Variants in BCKDHB observed in about 807,000 individuals in gnomAD.
BCKDHB encodes 2-oxoisovalerate dehydrogenase subunit beta, mitochondrial.
A neutral mutation model predicts 48.5 loss-of-function variants in BCKDHB; 41 were observed. That is an observed-to-expected ratio of 0.85 (90% confidence interval 0.66 to 1.10). The LOEUF is 1.10. BCKDHB is among the 50% of genes least tolerant of loss of function. The pLI is 0.00. For synonymous variants in BCKDHB, 201 were observed against 174.8 expected, an observed-to-expected ratio of 1.15 and a Z score of -1.18; for missense variants, 496 against 494.2, an observed-to-expected ratio of 1.00 and a Z score of -0.03.
the BCKDHB span, among the ~76,000 whole-genome samples, chr6:80,406,571 C>T: frequency 6.6e-6 from 1 of 152,206 alleles, no homozygotes; most frequent in Non-Finnish European, 1.5e-5. Flanking sequence ...GATGGTATCT[C>T]ACTGTGGTTT....
the BCKDHB span, among the ~76,000 whole-genome samples, chr6:80,367,471 G>A: frequency 0.96 from 145,840 of 152,236 alleles, 70,181 homozygotes; most frequent in East Asian, 1. Flanking sequence ...AAACTCTACT[G>A]TTTTTTTATT....
intron 3 of BCKDHB, among the ~76,000 whole-genome samples, chr6:80,152,276 C>T (rs1049494846): frequency 2.4e-4 from 36 of 151,930 alleles, no homozygotes; most frequent in Non-Finnish European, 4.6e-4. Context: ...TTTTAGATTG[C>T]TCCATTTAAG....
Position 80,165,637 on chromosome 6 carries a change from A to C in BCKDHB, c.344-2041A>C, listed in dbSNP as rs192644912. Among the ~76,000 whole-genome samples the C allele has an allele frequency of 2.0e-5, 3 of 152,320 alleles. No homozygotes were observed. In the South Asian group the frequency reaches 6.2e-4, roughly 32 times the overall value. Reference sequence around the variant, plus strand: ...TCCTGAAATTATAATTTCTAATGAAATTCTGGCATGAGCTGAGAGGTGGTG... The same window carrying C: ...TCCTGAAATTATAATTTCTAATGAACTTCTGGCATGAGCTGAGAGGTGGTG... On this transcript the variant is annotated intron_variant, in intron 3 of 9. Transcript: ENST00000320393.
the BCKDHB span, among the ~76,000 whole-genome samples, chr6:80,392,362 A>AT: frequency 8.4e-3 from 1,222 of 146,068 alleles, 14 homozygotes; most frequent in African/African-American, 0.029. Flanking sequence ...TTAGGGCTGT[A>AT]TTTTTTTTTT....
At chr6:80,428,188 C>T in the BCKDHB span, among the ~76,000 whole-genome samples, 1 of 152,174 alleles carries the variant, frequency 6.6e-6, no homozygotes. Flanking sequence ...CATGTCCCTG[C>T]AAAGGACATG....
intron 6 of BCKDHB, among the ~76,000 whole-genome samples, chr6:80,199,304 A>G (rs1202089122): frequency 6.6e-6 from 1 of 152,118 alleles, no homozygotes; most frequent in African/African-American, 2.4e-5. Context: ...AACATTGGTT[A>G]CTTCTGGACG....
At chr6:80,289,718 C>A (rs1431626049) in intron 9 of BCKDHB, among the ~76,000 whole-genome samples, 7 of 152,292 alleles carry the variant, frequency 4.6e-5, no homozygotes, top group Middle Eastern at 3.4e-3. Context: ...AACTCCGTGT[C>A]TCCCCTGGAT....
chr6:80,377,805 A>G, the BCKDHB span, among the ~76,000 whole-genome samples: 3 of 152,208 alleles, frequency 2.0e-5, no homozygotes, highest in African/African-American at 7.2e-5. Flanking sequence ...ATTGCAACTA[A>G]AACAACATAA....
chr6:80,449,863 AT>A, the BCKDHB span, among the ~76,000 whole-genome samples: 1 of 152,212 alleles, frequency 6.6e-6, no homozygotes, highest in African/African-American at 2.4e-5. Flanking sequence ...ATATTGAAAT[AT>A]TTAAGCATTT....
At chr6:80,388,109 G>A in the BCKDHB span, among the ~76,000 whole-genome samples, 2 of 152,142 alleles carry the variant, frequency 1.3e-5, no homozygotes, top group Non-Finnish European at 2.9e-5. Context: ...GATTTGGGAG[G>A]CAACACATTT....
intron 8 of BCKDHB, among the ~76,000 whole-genome samples, chr6:80,262,791 G>A (rs757624503): frequency 9.2e-5 from 14 of 152,010 alleles, no homozygotes; most frequent in Non-Finnish European, 2.1e-4. Flanking sequence ...GGTGAGCCAA[G>A]CACAAAATCT....
At chr6:80,320,516 C>A (rs758999437) in intron 9 of BCKDHB, among the ~76,000 whole-genome samples, 18 of 152,136 alleles carry the variant, frequency 1.2e-4, no homozygotes, top group Non-Finnish European at 2.5e-4. Context: ...TCTAGTTCTT[C>A]ACTAATAGGA....
the BCKDHB span, among the ~76,000 whole-genome samples, chr6:80,353,843 A>T: frequency 1.7e-5 from 2 of 116,476 alleles, no homozygotes; most frequent in African/African-American, 2.9e-5. Context: ...ACAAAGTGAG[A>T]CTCCGTCTCA....
the BCKDHB span, among the ~76,000 whole-genome samples, chr6:80,413,417 A>G: frequency 1.6e-4 from 25 of 152,210 alleles, no homozygotes; most frequent in Non-Finnish European, 5.9e-5. Flanking sequence ...TCCAGAACCC[A>G]TTAGTTATTT....
the BCKDHB span, among the ~76,000 whole-genome samples, chr6:80,410,240 A>G: frequency 1.3e-5 from 2 of 152,168 alleles, no homozygotes; most frequent in Admixed American, 6.5e-5. Context: ...TTCTGGGTTG[A>G]AAATTATTTT....
chr6:80,188,758 A>G (rs1773764235), intron 6 of BCKDHB, among the ~76,000 whole-genome samples: 1 of 152,166 alleles, frequency 6.6e-6, no homozygotes, highest in Non-Finnish European at 1.5e-5. Context: ...ATTTACCTAT[A>G]TGGCAAACCT....
intron 8 of BCKDHB, among the ~76,000 whole-genome samples, chr6:80,227,327 TA>T (rs1174800078): frequency 6.6e-6 from 1 of 152,204 alleles, no homozygotes; most frequent in African/African-American, 2.4e-5. Context: ...TTTAGTCACT[TA>T]AACCCTTAAA....
chr6:80,446,297 C>A, the BCKDHB span, among the ~76,000 whole-genome samples: 1 of 152,210 alleles, frequency 6.6e-6, no homozygotes, highest in African/African-American at 2.4e-5. Flanking sequence ...AAACTGTGTA[C>A]GCATGAGAGT....
chr6:80,189,988 T>G (rs1354850578), intron 6 of BCKDHB, among the ~76,000 whole-genome samples: 2 of 152,138 alleles, frequency 1.3e-5, no homozygotes, highest in Admixed American at 1.3e-4. Flanking sequence ...GAGTTCTTCA[T>G]TTTTTGTAGT....
Sources: gnomAD v4.1 joint callset for allele counts (sites outside exome capture counted in the v4.1 genomes callset) on GRCh38, gnomAD v4.1.1 for gene constraint, MANE v1.5 for transcripts, NCBI Gene and HGNC (gene_info 2026-07-23, HGNC 2026-07-21) for gene names.